Variants in KPNB1 observed in about 807,000 individuals in gnomAD.
KPNB1 encodes karyopherin subunit beta 1, also known as importin subunit beta-1.
KPNB1 carries 7 observed loss-of-function variants against 113.0 expected under a neutral mutation model. The ratio of observed to expected loss-of-function variants is 0.06; its 90% CI spans 0.04 to 0.12. KPNB1 has a LOEUF of 0.12. Among genes scored for constraint, KPNB1 ranks in the 10% least tolerant of loss-of-function variants. The pLI is 1.00. For synonymous variants in KPNB1, 363 were observed against 378.6 expected, an observed-to-expected ratio of 0.96 and a Z score of 0.48; for missense variants, 400 against 1,054.8, an observed-to-expected ratio of 0.38 and a Z score of 8.60.
In KPNB1 at chr17:47,670,816, C is replaced by T; in HGVS notation, c.1531C>T (p.Leu511=). 3 of 1,608,392 alleles carry T rather than the reference C, an allele frequency of 1.9e-6. No homozygotes were observed. Among genetic ancestry groups the T allele is most frequent in the Non-Finnish European group, 2.6e-6 (3 of 1,175,328 alleles). The change falls in exon 12 of 22, where the codon CTA becomes TTA. Residue 511 remains leucine, a synonymous_variant. Transcript: ENST00000290158. ...SSFELIVQKL[L]ETTDRPDGHQ... ...ATTTGAACTCATAGTTCAGAAGCTC[C>T]TAGAGACTACAGACAGGTAACTGAT...
chr17:47,666,548 ATATATTATGT>A (rs2030289091), intron 9 of KPNB1, among the ~76,000 whole-genome samples: 2 of 128,010 alleles, frequency 1.6e-5, no homozygotes, highest in Non-Finnish European at 3.4e-5. Flanking sequence ...ATTATATATT[ATATATTATGT>A]TATATGTTAT....
chr17:47,671,888 G>A (rs2030460275), intron 12 of KPNB1: 1 of 152,094 alleles, frequency 6.6e-6, no homozygotes, highest in Non-Finnish European at 1.5e-5. Context: ...TTAGAAACAA[G>A]CTTTTGAAAT....
intron 15 of KPNB1, among the ~76,000 whole-genome samples, chr17:47,675,316 A>G (rs960649153): frequency 6.7e-6 from 1 of 148,300 alleles, no homozygotes; most frequent in African/African-American, 2.5e-5. Flanking sequence ...TTGTCAGTCC[A>G]TTTAAATGGG....
chr17:47,667,456 C>G (rs186123602), intron 9 of KPNB1, among the ~76,000 whole-genome samples: 1 of 151,528 alleles, frequency 6.6e-6, no homozygotes, highest in East Asian at 2.0e-4. Context: ...TTGATTGAAT[C>G]ATGTCTTCTT....
At chr17:47,655,974 C>A (rs563599727) in intron 3 of KPNB1, among the ~76,000 whole-genome samples, 3 of 152,316 alleles carry the variant, frequency 2.0e-5, no homozygotes, top group Admixed American at 2.0e-4. Flanking sequence ...AATTCTGAGG[C>A]CAGGCACAGT....
intron 15 of KPNB1, 25 bp from the exon 16 acceptor site, chr17:47,676,384 T>C: frequency 6.4e-7 from 1 of 1,559,172 alleles, no homozygotes; most frequent in Non-Finnish European, 8.9e-7. Flanking sequence ...GTGCTGTCAT[T>C]GGCTAATAGC....
rs895381310 is a variant in KPNB1, at chr17:47,676,963, T to C, written c.1996-57T>C. Reference sequence around the variant, plus strand: ...GCTCAGCAGCTAGTTAAAAATAATATCTTGCCCCAGCAGGCAGCCTTTTCT... The same window carrying C: ...GCTCAGCAGCTAGTTAAAAATAATACCTTGCCCCAGCAGGCAGCCTTTTCT... On this transcript the variant is annotated intron_variant, in intron 16 of 21. Transcript: ENST00000290158. 16 of 1,337,068 alleles carry C rather than the reference T, an allele frequency of 1.2e-5. No homozygotes were observed. In the African/African-American group the frequency reaches 1.6e-4, roughly 13 times the overall value. 82.8% of individuals were successfully genotyped at this position (1,337,068 alleles called of 1,614,324 possible).
chr17:47,676,502 CTTT>C lies in KPNB1; in HGVS notation c.1995+13_1995+15del, dbSNP rs1176427751. 4 of 1,592,870 alleles carry C rather than the reference CTTT, an allele frequency of 2.5e-6. No homozygotes were observed. Among genetic ancestry groups the C allele is most frequent in the Non-Finnish European group, 3.4e-6 (4 of 1,160,828 alleles). On this transcript the variant is annotated intron_variant, in intron 16 of 21. Transcript: ENST00000290158. ...TATGCTGAATACCAGGTAGGATGTG[CTTT>C]TCAAAATAGTATGTTCCCATTTATA...
chr17:47,669,207 TAAGC>T (rs1368222782), intron 10 of KPNB1, among the ~76,000 whole-genome samples: 1 of 152,102 alleles, frequency 6.6e-6, no homozygotes, highest in Non-Finnish European at 1.5e-5. Context: ...CTCCCCAGCT[TAAGC>T]AATTCTCGTG....
intron 18 of KPNB1, 56 bp downstream of exon 18, chr17:47,678,245 A>T: frequency 6.2e-7 from 1 of 1,611,184 alleles, no homozygotes; most frequent in Non-Finnish European, 8.5e-7. Flanking sequence ...TGGAGGGACT[A>T]TTGACAAACA....
chr17:47,660,704 G>C (rs2030066865), intron 5 of KPNB1, among the ~76,000 whole-genome samples: 1 of 152,188 alleles, frequency 6.6e-6, no homozygotes, highest in Admixed American at 6.5e-5. Context: ...ATGTGAATTT[G>C]CTACCTCTCA....
chr17:47,677,247 C>A, intron 17 of KPNB1, 120 bp downstream of exon 17: 1 of 755,954 alleles, frequency 1.3e-6, no homozygotes, highest in Non-Finnish European at 2.2e-6. Flanking sequence ...TTTTGGGAGG[C>A]CGAGGCAGGC....
intron 9 of KPNB1, among the ~76,000 whole-genome samples, chr17:47,667,716 C>T (rs1211557450): frequency 6.6e-6 from 1 of 151,986 alleles, no homozygotes; most frequent in Admixed American, 6.6e-5. Context: ...TGCCACCACA[C>T]CCAGCTAATT....
At chr17:47,658,480 A>C (rs1485106805) in intron 4 of KPNB1, 28 bp from the exon 5 acceptor site, 1 of 1,605,618 alleles carries the variant, frequency 6.2e-7, no homozygotes, top group East Asian at 2.2e-5. Flanking sequence ...CTGACTGTAT[A>C]TTCATTGCAC....
chr17:47,685,143 C>T lies in KPNB1; in HGVS notation c.*2739C>T, dbSNP rs189532226. 3 of 152,196 alleles carry T rather than the reference C, an allele frequency of 2.0e-5. No individual in the cohort carries two copies. The highest frequency in any genetic ancestry group is 6.5e-5 in the Admixed American group (1 of 15,274). The allele number at this position is 152,196 out of a possible 1,614,324, so 9.4% of individuals were successfully genotyped here. On this transcript the variant is annotated 3_prime_UTR_variant, in exon 22 of 22. Transcript: ENST00000290158. Reference sequence around the variant, plus strand: ...ATTTTTCCCAGTTCTCCTCACCCCCCCTTTGTTGAAATGTTGGACTTGCTG... The same window carrying T: ...ATTTTTCCCAGTTCTCCTCACCCCCTCTTTGTTGAAATGTTGGACTTGCTG...
chr17:47,658,457 T>C (rs775415214), intron 4 of KPNB1, 51 bp from the exon 5 acceptor site: 3 of 1,568,224 alleles, frequency 1.9e-6, no homozygotes, highest in Non-Finnish European at 2.6e-6. Context: ...GTGGAACCCA[T>C]GGCTGCAGAG....
At chr17:47,681,122 T>C (rs2030761261) in intron 21 of KPNB1, among the ~76,000 whole-genome samples, 1 of 151,686 alleles carries the variant, frequency 6.6e-6, no homozygotes, top group African/African-American at 2.4e-5. Context: ...CAGGCTGGAG[T>C]GCAATGGCAC....
At chr17:47,669,021 T>TC (rs1011614648) in intron 10 of KPNB1, among the ~76,000 whole-genome samples, 76 of 38,132 alleles carry the variant, frequency 2.0e-3, no homozygotes, top group African/African-American at 4.8e-3. Flanking sequence ...GAATTCAGTC[T>TC]TCAGTCTTTC....
At position 47,683,746 on chromosome 17, in the gene KPNB1, G is replaced by C. The variant is rs2030867035; in HGVS notation, c.*1342G>C. 2 of 152,002 alleles carry C rather than the reference G, an allele frequency of 1.3e-5. No individual in the cohort carries two copies. The allele number at this position is 152,002 out of a possible 1,614,324, so 9.4% of individuals were successfully genotyped here. A position where few individuals can be genotyped will look rare whatever the true frequency, so the allele number is the denominator to read the frequency against. On this transcript the variant is annotated 3_prime_UTR_variant, in exon 22 of 22. Transcript: ENST00000290158. ...AAACAAAAAAAAGTGTGTGTTGTGT[G>C]AATACACACACACACTAACTAGAAG...
Sources: gnomAD v4.1 joint callset for allele counts (sites outside exome capture counted in the v4.1 genomes callset) on GRCh38, gnomAD v4.1.1 for gene constraint, MANE v1.5 for transcripts, NCBI Gene and HGNC (gene_info 2026-07-23, HGNC 2026-07-21) for gene names.